XKR4: variants seen among roughly 807,000 people sequenced by gnomAD.
XKR4 encodes the protein XK-related protein 4.
In XKR4, 12 loss-of-function variants were observed where a neutral mutation model predicts 53.9. The ratio of observed to expected loss-of-function variants is 0.22; its 90% CI spans 0.14 to 0.36. The LOEUF is 0.36. Ranked by LOEUF, XKR4 falls within the 10% of genes least tolerant of loss-of-function variation. The pLI is 1.00. For missense variants in XKR4, 799 were observed against 859.5 expected (o/e 0.93, Z 0.88); for synonymous variants, 354 against 362.4 (o/e 0.98, Z 0.26).
intron 2 of XKR4, chr8:55,454,319 G>T: frequency 6.7e-7 from 1 of 1,490,982 alleles, no homozygotes. Flanking sequence ...GATTATGAAG[G>T]GCGTGGGTGT....
chr8:55,302,853 T>G (rs1819224189), intron 1 of XKR4, among the ~76,000 whole-genome samples: 1 of 152,272 alleles, frequency 6.6e-6, no homozygotes, highest in Non-Finnish European at 1.5e-5. Context: ...TTTTGTATCC[T>G]GAGACTTTGC....
intron 2 of XKR4, among the ~76,000 whole-genome samples, chr8:55,504,167 CT>C (rs76369153): frequency 6.7e-6 from 1 of 149,446 alleles, no homozygotes; most frequent in Admixed American, 6.7e-5. Context: ...TTGTAGTTTT[CT>C]TTTTTGTTGT....
chr8:55,291,261 A>G (rs1437622866), intron 1 of XKR4, among the ~76,000 whole-genome samples: 1 of 152,220 alleles, frequency 6.6e-6, no homozygotes, highest in East Asian at 1.9e-4. Flanking sequence ...AGTCTTGATT[A>G]CTATAGATGT....
chr8:55,307,988 C>T (rs1432134198), intron 1 of XKR4, among the ~76,000 whole-genome samples: 1 of 152,154 alleles, frequency 6.6e-6, no homozygotes, highest in Non-Finnish European at 1.5e-5. Context: ...GGCATGGTAT[C>T]TCATGCCTGT....
At chr8:55,224,803 A>G (rs1817930974) in intron 1 of XKR4, among the ~76,000 whole-genome samples, 1 of 152,206 alleles carries the variant, frequency 6.6e-6, no homozygotes, top group South Asian at 2.1e-4. Context: ...ACATTTTGGA[A>G]AATGCTAGAT....
At chr8:55,472,860 G>C (rs1805911292) in intron 2 of XKR4, among the ~76,000 whole-genome samples, 1 of 152,048 alleles carries the variant, frequency 6.6e-6, no homozygotes, top group Non-Finnish European at 1.5e-5. Context: ...ACTATTACTT[G>C]GTTACAGAAG....
chr8:55,216,588 G>A (rs1817802348), intron 1 of XKR4, among the ~76,000 whole-genome samples: 1 of 152,064 alleles, frequency 6.6e-6, no homozygotes, highest in Non-Finnish European at 1.5e-5. Flanking sequence ...TTAGCTGGGT[G>A]TGGTGGCACA....
chr8:55,509,553 C>T (rs1269272061), intron 2 of XKR4, among the ~76,000 whole-genome samples: 4 of 152,320 alleles, frequency 2.6e-5, no homozygotes, highest in African/African-American at 9.6e-5. Flanking sequence ...AAGGTGACTC[C>T]TGTTCCTAGG....
intron 1 of XKR4, among the ~76,000 whole-genome samples, chr8:55,174,197 A>G (rs1360628091): frequency 6.6e-6 from 1 of 152,200 alleles, no homozygotes; most frequent in Non-Finnish European, 1.5e-5. Flanking sequence ...TTCCTGTTTC[A>G]TGGCAGACTT....
At chr8:55,115,926 A>G (rs1412232611) in intron 1 of XKR4, among the ~76,000 whole-genome samples, 1 of 152,190 alleles carries the variant, frequency 6.6e-6, no homozygotes, top group Non-Finnish European at 1.5e-5. Context: ...TGGAGTCATC[A>G]AAGTGGACAG....
Position 55,489,306 on chromosome 8 carries a change from C to T in XKR4, c.1007-33975C>T, listed in dbSNP as rs887030607. On this transcript the variant is annotated intron_variant, in intron 2 of 2. Transcript: ENST00000327381. Reference sequence around the variant, plus strand: ...CTCAATTTTCTTATAAACCTAATACCGCTCTAAAAAATAGTCTATTAATTT... The same window carrying T: ...CTCAATTTTCTTATAAACCTAATACTGCTCTAAAAAATAGTCTATTAATTT... Among the ~76,000 whole-genome samples, 11 of 152,112 alleles carry T rather than the reference C, an allele frequency of 7.2e-5. No individual in the cohort carries two copies. The South Asian group carries it at 8.3e-4, about 11-fold the overall frequency.
chr8:55,425,919 G>A (rs935331033), intron 2 of XKR4, among the ~76,000 whole-genome samples: 2 of 152,190 alleles, frequency 1.3e-5, no homozygotes, highest in African/African-American at 4.8e-5. Flanking sequence ...AATGCCATCA[G>A]CGGCTTTCCT....
chr8:55,176,409 A>G (rs2129359171), intron 1 of XKR4, among the ~76,000 whole-genome samples: 1 of 152,268 alleles, frequency 6.6e-6, no homozygotes, highest in East Asian at 1.9e-4. Flanking sequence ...GCTCCACTCC[A>G]TTGTGCACAT....
intron 1 of XKR4, among the ~76,000 whole-genome samples, chr8:55,204,037 G>A (rs1465700659): frequency 6.6e-6 from 1 of 152,008 alleles, no homozygotes; most frequent in Non-Finnish European, 1.5e-5. Context: ...TTTAGACAGG[G>A]TCTTGCTCTG....
intron 1 of XKR4, among the ~76,000 whole-genome samples, chr8:55,307,981 A>C (rs1397924105): frequency 6.6e-6 from 1 of 152,156 alleles, no homozygotes; most frequent in Non-Finnish European, 1.5e-5. Flanking sequence ...AGGGCCAGGC[A>C]TGGTATCTCA....
At chr8:55,234,898 G>A (rs1008734289) in intron 1 of XKR4, among the ~76,000 whole-genome samples, 1 of 152,136 alleles carries the variant, frequency 6.6e-6, no homozygotes, top group Non-Finnish European at 1.5e-5. Flanking sequence ...TCTGCATCCC[G>A]GCTCCTTGGC....
At position 55,108,240 on chromosome 8, in the gene XKR4, A is replaced by G. The variant is rs541031087; in HGVS notation, c.806+4946A>G. ...GGCAGGTTAAGTGCATGCTCTACAT[A>G]TGGAGTGAGGGAGGGAGAGTAGCTA... On this transcript the variant is annotated intron_variant, in intron 1 of 2. Transcript: ENST00000327381. Among the ~76,000 whole-genome samples the G allele has an allele frequency of 3.9e-5, 6 of 152,266 alleles. No individual in the cohort carries two copies. The East Asian group carries it at 1.2e-3, about 29-fold the overall frequency.
At chr8:55,214,793 G>A (rs4541880) in intron 1 of XKR4, among the ~76,000 whole-genome samples, 119,385 of 152,138 alleles carry the variant, frequency 0.78, 49,126 homozygotes, top group Non-Finnish European at 0.92. Context: ...CCTCCACTTT[G>A]CTGTGTGAAG....
intron 2 of XKR4, among the ~76,000 whole-genome samples, chr8:55,479,808 A>G (rs1292001187): frequency 6.6e-6 from 1 of 152,236 alleles, no homozygotes; most frequent in African/African-American, 2.4e-5. Context: ...GAAGAAATGG[A>G]TAAATTCCTC....
Sources: gnomAD v4.1 joint callset for allele counts (sites outside exome capture counted in the v4.1 genomes callset) on GRCh38, gnomAD v4.1.1 for gene constraint, MANE v1.5 for transcripts, NCBI Gene and HGNC (gene_info 2026-07-23, HGNC 2026-07-21) for gene names.